Variants in MAST2 observed in about 807,000 individuals in gnomAD.
The protein encoded by MAST2 is microtubule associated serine/threonine kinase 2.
Under a neutral mutation model 147.4 loss-of-function variants are expected in MAST2, and 70 were observed. The ratio of observed to expected loss-of-function variants is 0.47; its 90% CI spans 0.39 to 0.58. MAST2 has a LOEUF of 0.58. Ranked by LOEUF, MAST2 falls within the 20% of genes least tolerant of loss-of-function variation. The probability of loss-of-function intolerance (pLI) is 0.00; values close to 1 mark genes in which losing one functional copy is unlikely to be tolerated. For synonymous variants in MAST2, 869 were observed against 896.8 expected, an observed-to-expected ratio of 0.97 and a Z score of 0.55; for missense variants, 2,080 against 2,302.3, an observed-to-expected ratio of 0.90 and a Z score of 1.98.
At chr1:45,993,853 T>C (rs568716677) in intron 5 of MAST2, among the ~76,000 whole-genome samples, 68 of 152,256 alleles carry the variant, frequency 4.5e-4, no homozygotes, top group Non-Finnish European at 9.4e-4. Flanking sequence ...GGATACAAAT[T>C]TGAGGTTTCT....
intron 3 of MAST2, among the ~76,000 whole-genome samples, chr1:45,877,733 C>G (rs750714298): frequency 2.0e-5 from 3 of 151,946 alleles, no homozygotes; most frequent in Admixed American, 1.3e-4. Flanking sequence ...TAATTTCTTT[C>G]AGAAAATAGA....
chr1:45,840,349 T>G (rs1175826798), intron 3 of MAST2, among the ~76,000 whole-genome samples: 2 of 152,228 alleles, frequency 1.3e-5, no homozygotes, highest in Non-Finnish European at 2.9e-5. Context: ...TACCCGTTAA[T>G]TTATACTTTT....
chr1:45,898,503 G>A (rs1276739530), intron 4 of MAST2, among the ~76,000 whole-genome samples: 3 of 152,016 alleles, frequency 2.0e-5, no homozygotes, highest in Non-Finnish European at 2.9e-5. Context: ...AATATCTTCC[G>A]TTCTGTTTTT....
chr1:45,804,143 G>A, intron 1 of MAST2, 71 bp downstream of exon 1: 1 of 1,268,992 alleles, frequency 7.9e-7, no homozygotes, highest in South Asian at 3.0e-5. Context: ...TCGGCGGGAG[G>A]ACCCGGGCTG....
intron 5 of MAST2, among the ~76,000 whole-genome samples, chr1:45,989,410 C>G (rs1009203149): frequency 6.6e-6 from 1 of 152,198 alleles, no homozygotes; most frequent in Non-Finnish European, 1.5e-5. Flanking sequence ...TTTAGTCTAA[C>G]TGATTTCATT....
At position 45,861,390 on chromosome 1, in the gene MAST2, T is replaced by C. The variant is rs372877210; in HGVS notation, c.469-20974T>C. On this transcript the variant is annotated intron_variant, in intron 3 of 28. Transcript: ENST00000361297. ...TCTACTTTTTGTTCAGCGTATTTTCTTGTTCTCTGTATTATCTCTCAATTT... is the reference window on the plus strand; with the variant it reads ...TCTACTTTTTGTTCAGCGTATTTTCCTGTTCTCTGTATTATCTCTCAATTT... 6.2e-4 allele frequency among the ~76,000 whole-genome samples: 94 copies of C among 152,336 alleles called. No individual in the cohort carries two copies. The South Asian group carries it at 0.019, about 31-fold the overall frequency.
chr1:46,004,361 CAAAAA>C (rs60013733), intron 7 of MAST2, among the ~76,000 whole-genome samples: 3 of 113,306 alleles, frequency 2.6e-5, no homozygotes, highest in African/African-American at 3.3e-5. Flanking sequence ...AAGACTATCT[CAAAAA>C]AAAAAAAAAA....
chr1:45,977,668 C>T (rs748577339), intron 5 of MAST2, among the ~76,000 whole-genome samples: 7 of 151,746 alleles, frequency 4.6e-5, no homozygotes, highest in Non-Finnish European at 7.4e-5. Context: ...AGCATGGTGG[C>T]ATGTGTCTGT....
At chr1:45,887,915 A>G (rs1339116709) in intron 4 of MAST2, among the ~76,000 whole-genome samples, 1 of 152,186 alleles carries the variant, frequency 6.6e-6, no homozygotes, top group Non-Finnish European at 1.5e-5. Flanking sequence ...GGAAGGCAGG[A>G]CGTAGCAGAG....
chr1:45,960,087 A>C (rs926479532), intron 5 of MAST2, among the ~76,000 whole-genome samples: 1 of 152,150 alleles, frequency 6.6e-6, no homozygotes, highest in Non-Finnish European at 1.5e-5. Flanking sequence ...TTTGTTTCAT[A>C]ATGATACTGA....
At chr1:46,004,893 C>G (rs1051819917) in intron 7 of MAST2, among the ~76,000 whole-genome samples, 14 of 152,150 alleles carry the variant, frequency 9.2e-5, no homozygotes, top group African/African-American at 3.4e-4. Context: ...GACAACACAG[C>G]AAGACCCTGT....
chr1:45,841,541 A>G (rs1339611285), intron 3 of MAST2, among the ~76,000 whole-genome samples: 4 of 152,084 alleles, frequency 2.6e-5, no homozygotes, highest in East Asian at 1.9e-4. Context: ...GGATGCCACC[A>G]TGCCTGGCTA....
intron 5 of MAST2, among the ~76,000 whole-genome samples, chr1:45,959,799 TGAG>T (rs1323666353): frequency 6.6e-6 from 1 of 152,182 alleles, no homozygotes; most frequent in Non-Finnish European, 1.5e-5. Context: ...GGTCATTTGA[TGAG>T]GAGTCCACTA....
chr1:45,813,945 C>T (rs1447619695), intron 1 of MAST2, among the ~76,000 whole-genome samples: 2 of 152,128 alleles, frequency 1.3e-5, no homozygotes, highest in African/African-American at 4.8e-5. Flanking sequence ...AACTATTATG[C>T]CTGGCTTCCC....
intron 5 of MAST2, among the ~76,000 whole-genome samples, chr1:45,961,329 T>G (rs983673682): frequency 1.3e-5 from 2 of 152,208 alleles, no homozygotes; most frequent in Non-Finnish European, 2.9e-5. Context: ...TGACCTGACC[T>G]TTTTATCATA....
rs1215054466 is a variant in MAST2 at position 45,866,146 on chromosome 1, T to C, written c.469-16218T>C. 1.1e-4 allele frequency among the ~76,000 whole-genome samples: 16 copies of C among 152,222 alleles called. 1 individual carries two copies. The highest frequency in any genetic ancestry group is 9.2e-4 in the Admixed American group (14 of 15,280). ...ACTTAAAATATAAATTTAAACAAAT[T>C]GTATTGTTTCTAGTTATTATATGTA... is the stretch of plus-strand genomic sequence containing the variant. On this transcript the variant is annotated intron_variant, in intron 3 of 28. Transcript: ENST00000361297.
At chr1:45,910,703 G>T (rs561660862) in intron 4 of MAST2, among the ~76,000 whole-genome samples, 4 of 152,306 alleles carry the variant, frequency 2.6e-5, no homozygotes, top group Non-Finnish European at 5.9e-5. Flanking sequence ...CTTAGGAAAG[G>T]TATCTATGAT....
rs1644544544 is a variant in MAST2, at chr1:45,984,663, C to T, written c.593-13061C>T. On this transcript the variant is annotated intron_variant, in intron 5 of 28. Coordinates refer to ENST00000361297, the MANE Select transcript of MAST2 (RefSeq NM_015112.3). ...AAATCTAAATTAAAAAACCAAACCACAGAAGGGTTTAGACCTAAGATTTTT... is the reference window on the plus strand; with the variant it reads ...AAATCTAAATTAAAAAACCAAACCATAGAAGGGTTTAGACCTAAGATTTTT... Among the ~76,000 whole-genome samples the T allele has an allele frequency of 3.3e-5, 5 of 152,076 alleles. No individual in the cohort carries two copies. In the South Asian group the frequency reaches 1.0e-3, roughly 32 times the overall value.
chr1:45,979,053 G>A (rs1644292348), intron 5 of MAST2, among the ~76,000 whole-genome samples: 1 of 152,180 alleles, frequency 6.6e-6, no homozygotes, highest in Non-Finnish European at 1.5e-5. Context: ...AGAAAAACTA[G>A]AGTGTTTAGA....
Sources: gnomAD v4.1 joint callset for allele counts (sites outside exome capture counted in the v4.1 genomes callset) on GRCh38, gnomAD v4.1.1 for gene constraint, MANE v1.5 for transcripts, NCBI Gene and HGNC (gene_info 2026-07-23, HGNC 2026-07-21) for gene names.